Variants in RPA1 observed in about 807,000 individuals in gnomAD.
RPA1 encodes the protein replication protein A1.
Under a neutral mutation model 83.0 loss-of-function variants are expected in RPA1, and 49 were observed. The ratio of observed to expected loss-of-function variants is 0.59; its 90% CI spans 0.47 to 0.75. The LOEUF (loss-of-function observed/expected upper bound fraction) is 0.75, where lower values mean the gene tolerates loss of function less well. Among genes scored for constraint, RPA1 ranks in the 30% least tolerant of loss-of-function variants. The probability of loss-of-function intolerance (pLI) is 0.00; values close to 1 mark genes in which losing one functional copy is unlikely to be tolerated. For missense variants in RPA1, 693 were observed against 776.1 expected (o/e 0.89, Z 1.27); for synonymous variants, 279 against 281.8 (o/e 0.99, Z 0.10).
chr17:1,856,752 G>A (rs375533099), intron 5 of RPA1, among the ~76,000 whole-genome samples: 1 of 150,550 alleles, frequency 6.6e-6, no homozygotes, highest in African/African-American at 2.4e-5. Flanking sequence ...GGCTGGTCTC[G>A]AACTCCTGCC....
chr17:1,897,096 T>C lies in RPA1; in HGVS notation c.1772T>C (p.Val591Ala). 1 of 1,573,454 alleles carries C rather than the reference T, an allele frequency of 6.4e-7. No homozygotes were observed. The highest frequency in any genetic ancestry group is 8.6e-7 in the Non-Finnish European group (1 of 1,159,064). ...GACGAGTCTCGAATTAAGGCCACTGTGATGGACGTGAAGCCCGTGGACTAC... is the reference window on the plus strand; with the variant it reads ...GACGAGTCTCGAATTAAGGCCACTGCGATGGACGTGAAGCCCGTGGACTAC... ...YNDESRIKAT[V>A]MDVKPVDYRE... Residue 591 changes from valine (V) to alanine (A), a missense_variant, in exon 17 of 17, where the codon GTG (valine) becomes GCG (alanine). Val to Ala is a moderately conservative substitution (Grantham distance 64). Transcript: ENST00000254719.
chr17:1,894,174 A>ATTTTT (rs144400153), intron 15 of RPA1, among the ~76,000 whole-genome samples: 1 of 144,420 alleles, frequency 6.9e-6, no homozygotes, highest in African/African-American at 2.5e-5. Context: ...TGACCTCCTA[A>ATTTTT]TTTTTTTTTT....
At chr17:1,860,183 A>G (rs1912890582) in intron 5 of RPA1, among the ~76,000 whole-genome samples, 1 of 152,062 alleles carries the variant, frequency 6.6e-6, no homozygotes, top group South Asian at 2.1e-4. Context: ...GCCTCCAGCA[A>G]TCCTCCTGCC....
chr17:1,836,094 T>C (rs7225567), intron 1 of RPA1, among the ~76,000 whole-genome samples: 51,116 of 151,976 alleles, frequency 0.34, 10,565 homozygotes, highest in Non-Finnish European at 0.48. Flanking sequence ...TGCTTACGTA[T>C]AGTAAATTGC....
intron 8 of RPA1, among the ~76,000 whole-genome samples, chr17:1,878,343 T>G (rs1913644284): frequency 6.6e-6 from 1 of 152,232 alleles, no homozygotes; most frequent in South Asian, 2.1e-4. Context: ...ATGTTTTTTT[T>G]GGAAGTTGAT....
intron 5 of RPA1, among the ~76,000 whole-genome samples, chr17:1,868,640 G>A (rs1004684898): frequency 2.6e-5 from 4 of 152,032 alleles, no homozygotes; most frequent in African/African-American, 4.8e-5. Context: ...GCGTGATGGC[G>A]GGTACCTGTA....
intron 4 of RPA1, among the ~76,000 whole-genome samples, chr17:1,851,857 A>G (rs1244362260): frequency 6.6e-6 from 1 of 152,244 alleles, no homozygotes; most frequent in Non-Finnish European, 1.5e-5. Context: ...TAAGGGTAGC[A>G]CACACTGATT....
chr17:1,853,064 G>T, intron 4 of RPA1, 37 bp from the exon 5 acceptor site: 1 of 1,547,306 alleles, frequency 6.5e-7, no homozygotes, highest in East Asian at 2.2e-5. Context: ...AACAGAATTT[G>T]TTTTTCTAAC....
intron 5 of RPA1, among the ~76,000 whole-genome samples, chr17:1,861,266 C>T (rs1293209673): frequency 6.6e-6 from 1 of 152,176 alleles, no homozygotes; most frequent in East Asian, 1.9e-4. Flanking sequence ...ACTCTCGGCC[C>T]CCATTTCTGC....
chr17:1,842,023 T>G (rs1912064939), intron 1 of RPA1, among the ~76,000 whole-genome samples: 1 of 152,148 alleles, frequency 6.6e-6, no homozygotes, highest in Non-Finnish European at 1.5e-5. Flanking sequence ...TATTATTTTG[T>G]TGAAGATTCT....
intron 5 of RPA1, among the ~76,000 whole-genome samples, chr17:1,858,840 T>G (rs768460461): frequency 2.0e-5 from 3 of 152,104 alleles, no homozygotes; most frequent in Non-Finnish European, 4.4e-5. Flanking sequence ...ATACTTTGTA[T>G]GACTTGAATC....
chr17:1,842,824 A>G lies in RPA1; in HGVS notation c.55A>G (p.Thr19Ala), dbSNP rs1912108998. The G allele has an allele frequency of 6.2e-7, 1 of 1,614,064 alleles. No homozygotes were observed. Among genetic ancestry groups the G allele is most frequent in the Non-Finnish European group, 8.5e-7 (1 of 1,180,018 alleles). The change falls in exon 2 of 17, where the codon ACA (threonine) becomes GCA (alanine). Residue 19 changes from threonine (T) to alanine (A), a missense_variant. Thr to Ala is a moderately conservative substitution (Grantham distance 58). Transcript: ENST00000254719. ...TCAGGCCATCATGCAGAAGGGGGATACAAACATAAAGCCCATCCTCCAAGT... is the reference window on the plus strand; with the variant it reads ...TCAGGCCATCATGCAGAAGGGGGATGCAAACATAAAGCCCATCCTCCAAGT... ...AIAAIMQKGD[T>A]NIKPILQVIN...
intron 4 of RPA1, among the ~76,000 whole-genome samples, chr17:1,849,581 C>T (rs538919473): frequency 1.3e-3 from 190 of 151,504 alleles, no homozygotes; most frequent in Middle Eastern, 3.4e-3. Flanking sequence ...CGTGAGCCAC[C>T]GCACCCGGCA....
chr17:1,863,606 C>T lies in RPA1; in HGVS notation c.362-8828C>T, dbSNP rs181994935. Among the ~76,000 whole-genome samples the T allele has an allele frequency of 3.8e-3, 573 of 152,322 alleles. 1 individual carries two copies. The highest frequency in any genetic ancestry group is 0.012 in the African/African-American group (518 of 41,578). ...CTGAGTTCAGGTAATCCACCTGCCTCGGTCTCCCAATGTGCTGGGATTACG... is the reference window on the plus strand; with the variant it reads ...CTGAGTTCAGGTAATCCACCTGCCTTGGTCTCCCAATGTGCTGGGATTACG... On this transcript the variant is annotated intron_variant, in intron 5 of 16. Transcript: ENST00000254719.
chr17:1,866,957 A>G (rs1461240635), intron 5 of RPA1, among the ~76,000 whole-genome samples: 3 of 152,200 alleles, frequency 2.0e-5, no homozygotes, highest in Non-Finnish European at 2.9e-5. Flanking sequence ...ATGTATGTGT[A>G]TGCAGTTGGC....
At chr17:1,866,597 G>C (rs35333229) in intron 5 of RPA1, among the ~76,000 whole-genome samples, 54,239 of 151,164 alleles carry the variant, frequency 0.36, 11,719 homozygotes, top group Non-Finnish European at 0.51. Flanking sequence ...GATTATAGGC[G>C]TGGGCCACTG....
At chr17:1,834,169 G>A (rs1484437895) in intron 1 of RPA1, among the ~76,000 whole-genome samples, 1 of 152,054 alleles carries the variant, frequency 6.6e-6, no homozygotes, top group Non-Finnish European at 1.5e-5. Context: ...GACAGAGTGA[G>A]ACTGTCTCAA....
At chr17:1,830,642 A>C (rs938591781) in intron 1 of RPA1, 2 of 152,574 alleles carry the variant, frequency 1.3e-5, no homozygotes, top group African/African-American at 4.8e-5. Context: ...TTCAGGTCAC[A>C]CCCTCTTCCT....
At chr17:1,831,600 CTTT>C (rs397856863) in intron 1 of RPA1, among the ~76,000 whole-genome samples, 2 of 140,594 alleles carry the variant, frequency 1.4e-5, no homozygotes. Flanking sequence ...GGCCTTTGAA[CTTT>C]TTTTTTTTTT....
Sources: gnomAD v4.1 joint callset for allele counts (sites outside exome capture counted in the v4.1 genomes callset) on GRCh38, gnomAD v4.1.1 for gene constraint, MANE v1.5 for transcripts, NCBI Gene and HGNC (gene_info 2026-07-23, HGNC 2026-07-21) for gene names.